The following LRRC37A2 variants were observed in gnomAD, a reference collection of about 807,000 sequenced individuals.
LRRC37A2 encodes leucine-rich repeat-containing protein 37A2.
Under a neutral mutation model 68.8 loss-of-function variants are expected in LRRC37A2, and 9 were observed. The observed-to-expected ratio is 0.13, with a 90% CI of 0.08 to 0.23. The LOEUF is 0.23. Ranked by LOEUF, LRRC37A2 falls within the 10% of genes least tolerant of loss-of-function variation. The probability of loss-of-function intolerance (pLI) is 1.00; values close to 1 mark genes in which losing one functional copy is unlikely to be tolerated. For missense variants in LRRC37A2, 168 were observed against 950.4 expected (o/e 0.18, Z 10.82); for synonymous variants, 63 against 367.6 (o/e 0.17, Z 9.48).
chr17:46,857,923 G>T, the LRRC37A2 span, among the ~76,000 whole-genome samples: 2 of 151,770 alleles, frequency 1.3e-5, no homozygotes, highest in African/African-American at 2.4e-5. Flanking sequence ...TATGTATTTT[G>T]TTGTTGTTGT....
chr17:47,044,365 T>C, the LRRC37A2 span, among the ~76,000 whole-genome samples: 2 of 151,434 alleles, frequency 1.3e-5, no homozygotes, highest in Non-Finnish European at 2.9e-5. Flanking sequence ...CATGTTATGA[T>C]TGGGACAATT....
chr17:46,957,216 G>A, the LRRC37A2 span, among the ~76,000 whole-genome samples: 61,141 of 152,000 alleles, frequency 0.4, 12,527 homozygotes, highest in South Asian at 0.48. Context: ...GAGGTGGGAG[G>A]ACTGCTTGAG....
chr17:46,839,698 A>T, the LRRC37A2 span, among the ~76,000 whole-genome samples: 1 of 151,734 alleles, frequency 6.6e-6, no homozygotes, highest in Admixed American at 6.6e-5. Flanking sequence ...CCCCGCCAAG[A>T]GGCCCCAGTG....
At chr17:46,914,650 CAAAA>C in the LRRC37A2 span, among the ~76,000 whole-genome samples, 1 of 72,508 alleles carries the variant, frequency 1.4e-5, no homozygotes, top group Non-Finnish European at 2.4e-5. Flanking sequence ...GACTCCACCT[CAAAA>C]AAAAAAAAAA....
At chr17:46,954,106 T>C in the LRRC37A2 span, among the ~76,000 whole-genome samples, 1 of 152,244 alleles carries the variant, frequency 6.6e-6, no homozygotes, top group Non-Finnish European at 1.5e-5. Context: ...ATGAAGTCCT[T>C]GCCCATGCCT....
chr17:46,922,070 C>G, the LRRC37A2 span, among the ~76,000 whole-genome samples: 1 of 152,156 alleles, frequency 6.6e-6, no homozygotes, highest in Non-Finnish European at 1.5e-5. Flanking sequence ...ATAGCAAAGA[C>G]CTGGAACCAA....
At chr17:46,788,253 T>C in the LRRC37A2 span, among the ~76,000 whole-genome samples, 324 of 152,344 alleles carry the variant, frequency 2.1e-3, no homozygotes, top group African/African-American at 7.5e-3. Flanking sequence ...CTAAGCCATG[T>C]TTGCATCTTT....
chr17:46,862,759 T>C, the LRRC37A2 span, among the ~76,000 whole-genome samples: 68 of 152,232 alleles, frequency 4.5e-4, no homozygotes, highest in African/African-American at 1.6e-3. Context: ...ATTTTTTGTA[T>C]CTTTAGTAGA....
intron 6 of LRRC37A2, among the ~76,000 whole-genome samples, chr17:46,534,704 T>C (rs1374281465): frequency 1.3e-5 from 2 of 150,036 alleles, no homozygotes; most frequent in Non-Finnish European, 2.9e-5. Flanking sequence ...CTCAATGAGC[T>C]GTTGGGTACA....
the LRRC37A2 span, chr17:46,936,087 A>T: frequency 1.0e-6 from 1 of 985,702 alleles, no homozygotes; most frequent in Non-Finnish European, 1.2e-6. Flanking sequence ...GCTGCAAGTG[A>T]CACTCACCTC....
At chr17:46,804,366 C>T in the LRRC37A2 span, among the ~76,000 whole-genome samples, 3 of 152,124 alleles carry the variant, frequency 2.0e-5, no homozygotes, top group African/African-American at 4.8e-5. Context: ...GGACTACAGG[C>T]GCAAGCCACC....
the LRRC37A2 span, among the ~76,000 whole-genome samples, chr17:46,918,504 A>AGGTT: frequency 6.6e-6 from 1 of 152,310 alleles, no homozygotes; most frequent in Non-Finnish European, 1.5e-5. Flanking sequence ...TGTAGGTATT[A>AGGTT]GGTTGGTGCA....
chr17:46,504,927 AATTG>A, the LRRC37A2 span, among the ~76,000 whole-genome samples: 4 of 106,338 alleles, frequency 3.8e-5, no homozygotes, highest in African/African-American at 1.6e-4. Flanking sequence ...TTATTTAATA[AATTG>A]ATTTATTAAT....
chr17:46,907,750 G>A, the LRRC37A2 span, among the ~76,000 whole-genome samples: 5,766 of 151,268 alleles, frequency 0.038, 365 homozygotes, highest in African/African-American at 0.13. Flanking sequence ...TACTCAGCGG[G>A]GGGGGTGAGG....
the LRRC37A2 span, among the ~76,000 whole-genome samples, chr17:46,500,746 T>G: frequency 6.6e-6 from 1 of 151,244 alleles, no homozygotes; most frequent in Non-Finnish European, 1.5e-5. Context: ...TAGCAAAGTT[T>G]GAAGATAACT....
At chr17:46,945,245 C>T in the LRRC37A2 span, among the ~76,000 whole-genome samples, 4 of 152,180 alleles carry the variant, frequency 2.6e-5, no homozygotes, top group African/African-American at 9.7e-5. Context: ...GCACGACATC[C>T]TCCACGCACT....
the LRRC37A2 span, among the ~76,000 whole-genome samples, chr17:46,744,947 T>C: frequency 2.6e-5 from 4 of 152,058 alleles, no homozygotes; most frequent in Non-Finnish European, 5.9e-5. Context: ...GTCATTTTAC[T>C]TAGGCTTTTT....
At chr17:46,707,571 A>G in the LRRC37A2 span, among the ~76,000 whole-genome samples, 2 of 152,168 alleles carry the variant, frequency 1.3e-5, no homozygotes, top group African/African-American at 4.8e-5. Flanking sequence ...GGCAGCCACC[A>G]TTCTACTGTC....
chr17:46,865,165 G>C, the LRRC37A2 span, among the ~76,000 whole-genome samples: 3 of 152,182 alleles, frequency 2.0e-5, no homozygotes, highest in Non-Finnish European at 4.4e-5. Context: ...AGAGAGACAG[G>C]AGGAAGAAGA....
Sources: gnomAD v4.1 joint callset for allele counts (sites outside exome capture counted in the v4.1 genomes callset) on GRCh38, gnomAD v4.1.1 for gene constraint, MANE v1.5 for transcripts, NCBI Gene and HGNC (gene_info 2026-07-23, HGNC 2026-07-21) for gene names.